Variants in SNRPN observed in about 807,000 individuals in gnomAD.
SNRPN encodes the protein small nuclear ribonucleoprotein-associated protein N.
SNRPN carries 7 observed loss-of-function variants against 25.2 expected under a neutral mutation model. That is an observed-to-expected ratio of 0.28 (90% CI 0.16 to 0.52). The LOEUF (loss-of-function observed/expected upper bound fraction) is 0.52, where lower values mean the gene tolerates loss of function less well. SNRPN is among the 20% of genes least tolerant of loss of function. The pLI, the probability that SNRPN is intolerant of heterozygous loss-of-function variation, is 0.96. For missense variants in SNRPN, 196 were observed against 322.5 expected (o/e 0.61, Z 3.00); for synonymous variants, 124 against 110.6 (o/e 1.12, Z -0.76).
At chr15:24,905,112 CAAA>C (rs35185358) in intron 2 of SNRPN, among the ~76,000 whole-genome samples, 12,993 of 125,220 alleles carry the variant, frequency 0.1, 605 homozygotes, top group Middle Eastern at 0.18. Context: ...GACTCCGTCT[CAAA>C]AAAAAAAAAA....
chr15:24,860,440 T>C (rs937623919), intron 1 of SNRPN, among the ~76,000 whole-genome samples: 1 of 152,218 alleles, frequency 6.6e-6, no homozygotes, highest in Non-Finnish European at 1.5e-5. Context: ...TTTCTACTTA[T>C]TTTAATGAGA....
At chr15:24,951,351 A>G (rs1444415552), upstream of SNRPN, among the ~76,000 whole-genome samples, 1 of 152,044 alleles carries the variant, frequency 6.6e-6, no homozygotes, top group Non-Finnish European at 1.5e-5. Flanking sequence ...TTTTAATTCT[A>G]GCCCCAAGTG....
chr15:24,869,653 A>G (rs1286328655), intron 1 of SNRPN, among the ~76,000 whole-genome samples: 2 of 152,144 alleles, frequency 1.3e-5, no homozygotes, highest in African/African-American at 4.8e-5. Flanking sequence ...CATTGTAACC[A>G]CATCATATCA....
At chr15:24,860,805 A>C (rs1425806126) in intron 1 of SNRPN, among the ~76,000 whole-genome samples, 1 of 152,236 alleles carries the variant, frequency 6.6e-6, no homozygotes, top group Non-Finnish European at 1.5e-5. Context: ...TTAATTTAAA[A>C]ATTTTAAGTT....
At chr15:24,934,069 G>A (rs577082690) in intron 3 of SNRPN, among the ~76,000 whole-genome samples, 151 of 152,106 alleles carry the variant, frequency 9.9e-4, no homozygotes, top group African/African-American at 3.2e-3. Context: ...AGGCCGAGGC[G>A]GGCGAATCAC....
chr15:24,910,968 A>G (rs2059180473), intron 2 of SNRPN: 3 of 993,292 alleles, frequency 3.0e-6, no homozygotes, highest in Non-Finnish European at 4.7e-6. Context: ...ACCCAAAACC[A>G]CTGTTGGCAC....
At chr15:24,884,276 G>A (rs1002987084) in intron 1 of SNRPN, among the ~76,000 whole-genome samples, 6 of 152,110 alleles carry the variant, frequency 3.9e-5, no homozygotes, top group South Asian at 4.1e-4. Context: ...CAAGGCTGCC[G>A]TGAGGCATGA....
intron 1 of SNRPN, among the ~76,000 whole-genome samples, chr15:24,879,878 G>A (rs1289783208): frequency 1.3e-5 from 2 of 152,162 alleles, no homozygotes; most frequent in African/African-American, 4.8e-5. Context: ...GTTCTGTCTG[G>A]TGTTGGGGCA....
chr15:24,887,488 C>T (rs530772119), intron 2 of SNRPN, among the ~76,000 whole-genome samples: 5 of 150,820 alleles, frequency 3.3e-5, no homozygotes, highest in Non-Finnish European at 7.4e-5. Context: ...TGTCTCTGGC[C>T]ATGAGCATCA....
chr15:24,955,313 T>C (rs1596143604), intron 1 of SNRPN, among the ~76,000 whole-genome samples: 1 of 151,640 alleles, frequency 6.6e-6, no homozygotes. Flanking sequence ...TCGCGACAGG[T>C]CCTATTGCGG....
intron 1 of SNRPN, among the ~76,000 whole-genome samples, chr15:24,863,456 T>C (rs995004381): frequency 6.8e-6 from 1 of 147,994 alleles, no homozygotes; most frequent in Non-Finnish European, 1.5e-5. Context: ...GACATACAGA[T>C]TTGCACGCAT....
intron 3 of SNRPN, chr15:24,968,751 C>T (rs2076020020): frequency 6.6e-6 from 1 of 152,092 alleles, no homozygotes; most frequent in African/African-American, 2.4e-5. Flanking sequence ...GTCTTTTTCT[C>T]ACTTTTCTGT....
intron 1 of SNRPN, among the ~76,000 whole-genome samples, chr15:24,881,655 A>T (rs2056693025): frequency 6.6e-6 from 1 of 151,074 alleles, no homozygotes. Context: ...GAGTGAAACA[A>T]AAACTAAAAA....
chr15:24,841,196 G>T (rs1566814211), intron 2 of SNRPN, among the ~76,000 whole-genome samples: 1 of 152,088 alleles, frequency 6.6e-6, no homozygotes, highest in South Asian at 2.1e-4. Flanking sequence ...TAGTGTCATT[G>T]TTCCATTTAG....
At chr15:24,839,657 AATG>A (rs1326861923) in intron 2 of SNRPN, among the ~76,000 whole-genome samples, 2 of 152,082 alleles carry the variant, frequency 1.3e-5, no homozygotes, top group Admixed American at 6.5e-5. Context: ...TATTCTGACA[AATG>A]ATGATGACAA....
At chr15:24,870,061 A>G (rs2054946613) in intron 1 of SNRPN, among the ~76,000 whole-genome samples, 1 of 152,144 alleles carries the variant, frequency 6.6e-6, no homozygotes, top group Non-Finnish European at 1.5e-5. Flanking sequence ...TGGCTCCCAT[A>G]TCATTTTGAA....
At chr15:24,931,129 A>T (rs754328999) in intron 3 of SNRPN, among the ~76,000 whole-genome samples, 1 of 152,180 alleles carries the variant, frequency 6.6e-6, no homozygotes, top group African/African-American at 2.4e-5. Context: ...GCTAACTTTT[A>T]AAAAAGTCAT....
intron 1 of SNRPN, among the ~76,000 whole-genome samples, chr15:24,876,053 CA>C (rs59618495): frequency 1.7e-4 from 24 of 140,406 alleles, no homozygotes; most frequent in African/African-American, 4.8e-4. Flanking sequence ...TACTTTGTCT[CA>C]AAAAAAAAAG....
In SNRPN at chr15:24,872,454, A is replaced by G. The variant is rs144104298; in HGVS notation, c.-578-14062A>G. On this transcript the variant is annotated intron_variant, in intron 1 of 11. Transcript: ENST00000400097. ...TCAAAAATACATTTTTTTTTGGAAA[A>G]TATAGTTTAGGCTGGGCGCAGTGGC... Among the ~76,000 whole-genome samples the G allele has an allele frequency of 9.5e-4, 115 of 120,688 alleles. 29 individuals carry two copies. The highest frequency in any genetic ancestry group is 1.7e-3 in the Non-Finnish European group (94 of 55,340). The allele number at this position is 120,688 out of a possible 152,430, so 79.2% of individuals were successfully genotyped here. A position where few individuals can be genotyped will look rare whatever the true frequency, so the allele number is the denominator to read the frequency against.
Sources: gnomAD v4.1 joint callset for allele counts (sites outside exome capture counted in the v4.1 genomes callset) on GRCh38, gnomAD v4.1.1 for gene constraint, MANE v1.5 for transcripts, NCBI Gene and HGNC (gene_info 2026-07-23, HGNC 2026-07-21) for gene names.